GPD2: variants seen among roughly 807,000 people sequenced by gnomAD.
GPD2 encodes glycerol-3-phosphate dehydrogenase 2.
In GPD2, 54 loss-of-function variants were observed where a neutral mutation model predicts 82.4. The observed-to-expected ratio is 0.66, with a 90% CI of 0.53 to 0.82. GPD2 has a LOEUF of 0.82. GPD2 is among the 40% of genes least tolerant of loss of function. The probability of loss-of-function intolerance (pLI) is 0.00; values close to 1 mark genes in which losing one functional copy is unlikely to be tolerated. For synonymous variants in GPD2, 288 were observed against 306.1 expected (o/e 0.94, Z 0.62); for missense variants, 748 against 896.2 (o/e 0.83, Z 2.11).
At chr2:156,498,065 CA>C (rs1483509722) in intron 3 of GPD2, among the ~76,000 whole-genome samples, 8 of 152,144 alleles carry the variant, frequency 5.3e-5, no homozygotes, top group Non-Finnish European at 1.0e-4. Context: ...TTTTGTATAT[CA>C]AAGAGGATCA....
intron 2 of GPD2, among the ~76,000 whole-genome samples, chr2:156,483,935 T>A (rs1240224033): frequency 6.6e-6 from 1 of 151,644 alleles, no homozygotes; most frequent in East Asian, 1.9e-4. Flanking sequence ...TTCCTGAACG[T>A]TGATGTAGCT....
At chr2:156,533,411 C>T (rs963557997) in intron 6 of GPD2, among the ~76,000 whole-genome samples, 4 of 152,230 alleles carry the variant, frequency 2.6e-5, no homozygotes, top group Non-Finnish European at 4.4e-5. Flanking sequence ...GCTGAAGCTG[C>T]AGCTTCCAAA....
intron 13 of GPD2, among the ~76,000 whole-genome samples, chr2:156,573,167 C>A (rs1265367234): frequency 6.6e-6 from 1 of 152,126 alleles, no homozygotes; most frequent in Non-Finnish European, 1.5e-5. Context: ...TTAGGAGTTC[C>A]TTAATCCTGA....
At chr2:156,534,152 A>G (rs1044840130) in intron 6 of GPD2, among the ~76,000 whole-genome samples, 5 of 152,180 alleles carry the variant, frequency 3.3e-5, no homozygotes, top group Admixed American at 6.5e-5. Context: ...GAGTGGGAAT[A>G]TGAACTTCGC....
At chr2:156,486,234 A>G (rs1683932565) in intron 2 of GPD2, among the ~76,000 whole-genome samples, 1 of 152,196 alleles carries the variant, frequency 6.6e-6, no homozygotes. Context: ...TTTAACACTT[A>G]GCCCCCAAAG....
chr2:156,437,519 T>C (rs192204842), intron 1 of GPD2, among the ~76,000 whole-genome samples: 1 of 152,274 alleles, frequency 6.6e-6, no homozygotes, highest in East Asian at 1.9e-4. Flanking sequence ...GTGATGTGGA[T>C]GTTGAAACCC....
chr2:156,484,340 T>C (rs1683852880), intron 2 of GPD2, among the ~76,000 whole-genome samples: 1 of 152,006 alleles, frequency 6.6e-6, no homozygotes. Context: ...TTTCGCCATG[T>C]TGGCCAGGCT....
At position 156,582,734 on chromosome 2, in the gene GPD2, C is replaced by T. The variant is rs1313273484; in HGVS notation, c.2059-59C>T. ...GCTGCAATTCTAACGATTATGATGC[C>T]ATGAAGAAGAGAGTAAGTTGGCCTG... On this transcript the variant is annotated intron_variant, in intron 16 of 16. Coordinates refer to ENST00000438166, the MANE Select transcript of GPD2 (RefSeq NM_000408.5). 6.3e-6 allele frequency: 10 copies of T among 1,583,088 alleles called. No individual in the cohort carries two copies. The East Asian group carries it at 6.7e-5, about 11-fold the overall frequency.
At chr2:156,536,686 G>A (rs1364948945) in intron 6 of GPD2, among the ~76,000 whole-genome samples, 2 of 152,218 alleles carry the variant, frequency 1.3e-5, no homozygotes, top group Non-Finnish European at 2.9e-5. Context: ...CCAGCAACAA[G>A]TAGGGCTCAA....
the GPD2 span, among the ~76,000 whole-genome samples, chr2:156,427,523 T>G: frequency 6.6e-6 from 1 of 152,342 alleles, no homozygotes; most frequent in African/African-American, 2.4e-5. Flanking sequence ...TGGTATTGCT[T>G]GAATGTCCCA....
At chr2:156,496,387 C>A (rs982439902) in intron 3 of GPD2, among the ~76,000 whole-genome samples, 172 bp downstream of exon 3, 3 of 152,114 alleles carry the variant, frequency 2.0e-5, no homozygotes, top group African/African-American at 7.2e-5. Context: ...TCTCCCTCCC[C>A]CTGCCCCACC....
chr2:156,506,891 T>C (rs1440417360), intron 3 of GPD2, among the ~76,000 whole-genome samples: 1 of 152,254 alleles, frequency 6.6e-6, no homozygotes, highest in South Asian at 2.1e-4. Context: ...AGAAAAAATT[T>C]AAATGTTATT....
chr2:156,502,831 G>A (rs570898262), intron 3 of GPD2, among the ~76,000 whole-genome samples: 6 of 150,498 alleles, frequency 4.0e-5, no homozygotes, highest in African/African-American at 1.5e-4. Context: ...AATAGACTAT[G>A]TCTTTTAATC....
the GPD2 span, among the ~76,000 whole-genome samples, chr2:156,428,466 G>A: frequency 6.6e-6 from 1 of 152,176 alleles, no homozygotes; most frequent in Non-Finnish European, 1.5e-5. Flanking sequence ...TACCACATTT[G>A]ACTATTGAAA....
chr2:156,494,674 G>T (rs1684305253), intron 2 of GPD2, among the ~76,000 whole-genome samples: 1 of 152,182 alleles, frequency 6.6e-6, no homozygotes. Context: ...GCTTTGGCCT[G>T]TTGGCCTAGA....
intron 13 of GPD2, among the ~76,000 whole-genome samples, chr2:156,571,811 G>A (rs1687650851): frequency 1.3e-5 from 2 of 152,136 alleles, no homozygotes; most frequent in Admixed American, 6.5e-5. Flanking sequence ...ACAGGGTTAG[G>A]CTAAGTAGAT....
chr2:156,470,994 T>C (rs375740588), intron 1 of GPD2, among the ~76,000 whole-genome samples: 3 of 152,258 alleles, frequency 2.0e-5, no homozygotes, highest in East Asian at 1.9e-4. Flanking sequence ...TGCTGTTTTC[T>C]GAGTAGATGT....
intron 1 of GPD2, among the ~76,000 whole-genome samples, chr2:156,460,802 G>C (rs1462055221): frequency 6.6e-6 from 1 of 152,214 alleles, no homozygotes; most frequent in Non-Finnish European, 1.5e-5. Flanking sequence ...AGTCTTTCAA[G>C]TATGTAAGTT....
intron 2 of GPD2, among the ~76,000 whole-genome samples, chr2:156,488,071 A>AAGGATGGGC (rs777327388): frequency 6.6e-6 from 1 of 152,200 alleles, no homozygotes; most frequent in Non-Finnish European, 1.5e-5. Context: ...GCTACCCCAG[A>AAGGATGGGC]AGGATGGGCT....
Sources: allele counts gnomAD v4.1 joint callset (sites outside exome capture counted in the v4.1 genomes callset), GRCh38; gene constraint gnomAD v4.1.1; transcripts MANE v1.5; gene names NCBI Gene and HGNC (gene_info 2026-07-23, HGNC 2026-07-21).